The following SCIMP variants were observed in gnomAD, a reference collection of about 807,000 sequenced individuals.
SCIMP encodes the protein SLP adapter and CSK-interacting membrane protein.
In SCIMP, 18 loss-of-function variants were observed where a neutral mutation model predicts 22.0. The observed-to-expected ratio is 0.82, with a 90% confidence interval of 0.56 to 1.21. The LOEUF (loss-of-function observed/expected upper bound fraction) is 1.21. SCIMP is among the 50% of genes most tolerant of loss of function. SCIMP has a pLI of 0.00. For missense variants in SCIMP, 155 were observed against 171.2 expected (o/e 0.91, Z 0.53); for synonymous variants, 53 against 62.2 (o/e 0.85, Z 0.70).
rs961840593 is a variant in SCIMP at position 5,210,572 on chromosome 17, C to G, written c.*229G>C. 2.2e-5 allele frequency: 11 copies of G among 501,572 alleles called. No individual in the cohort carries two copies. Among genetic ancestry groups the G allele is most frequent in the African/African-American group, 5.9e-5 (3 of 50,932 alleles). The allele number at this position is 501,572 out of a possible 1,614,324, so 31.1% of individuals were successfully genotyped here. On this transcript the variant is annotated 3_prime_UTR_variant, in exon 5 of 5. Transcript: ENST00000574081. ...TTTCCTCAACAGCACAAGGCTGACCCCTCTAAGTCCTCAGAGCCGAGCACC... is the reference window on the plus strand; with the variant it reads ...TTTCCTCAACAGCACAAGGCTGACCGCTCTAAGTCCTCAGAGCCGAGCACC...
At chr17:5,223,505 G>T (rs2074623980) in intron 1 of SCIMP, 49 bp from the exon 2 acceptor site, 2 of 1,601,984 alleles carry the variant, frequency 1.2e-6, no homozygotes, top group African/African-American at 2.7e-5. Flanking sequence ...AAGATATCCT[G>T]GGGTTGGGTG....
chr17:5,215,681 T>C (rs1009191324), intron 3 of SCIMP, among the ~76,000 whole-genome samples: 6 of 152,148 alleles, frequency 3.9e-5, no homozygotes, highest in Admixed American at 3.9e-4. Flanking sequence ...TACACACACC[T>C]TGAGTCAGCA....
chr17:5,225,018 G>A (rs2074636414), intron 1 of SCIMP, among the ~76,000 whole-genome samples: 1 of 152,204 alleles, frequency 6.6e-6, no homozygotes, highest in Middle Eastern at 3.2e-3. Context: ...GAGAGGTCAA[G>A]AAGAGAGCAC....
intron 3 of SCIMP, 23 bp downstream of exon 3, chr17:5,221,264 C>A: frequency 6.3e-7 from 1 of 1,581,130 alleles, no homozygotes; most frequent in Non-Finnish European, 8.7e-7. Flanking sequence ...CAGTAAAAAG[C>A]GGAAGGATTC....
intron 4 of SCIMP, among the ~76,000 whole-genome samples, chr17:5,211,168 T>A (rs577910684): frequency 6.6e-6 from 1 of 152,278 alleles, no homozygotes; most frequent in East Asian, 1.9e-4. Context: ...ACATCTTGAC[T>A]CCCGTATCTT....
At chr17:5,234,422 C>A (rs2074728425) in intron 1 of SCIMP, among the ~76,000 whole-genome samples, 1 of 150,686 alleles carries the variant, frequency 6.6e-6, no homozygotes, top group Non-Finnish European at 1.5e-5. Context: ...ACAGTTGAGA[C>A]CTCTCACTCC....
chr17:5,218,915 C>T (rs1362424604), intron 3 of SCIMP, among the ~76,000 whole-genome samples: 3 of 152,170 alleles, frequency 2.0e-5, no homozygotes, highest in South Asian at 2.1e-4. Flanking sequence ...CACTGCACCT[C>T]GCCCCAAGTG....
At chr17:5,215,531 T>C (rs1351231456) in intron 3 of SCIMP, among the ~76,000 whole-genome samples, 2 of 152,042 alleles carry the variant, frequency 1.3e-5, no homozygotes, top group African/African-American at 2.4e-5. Flanking sequence ...GGGGAATCAC[T>C]TGAACTTCGG....
intron 1 of SCIMP, among the ~76,000 whole-genome samples, chr17:5,225,762 GA>G (rs140142974): frequency 0.015 from 1,936 of 127,020 alleles, 13 homozygotes; most frequent in Middle Eastern, 0.03. Context: ...GATTCCATCT[GA>G]AAAAAAAAAA....
chr17:5,212,168 C>G (rs1386474736), intron 4 of SCIMP, among the ~76,000 whole-genome samples: 1 of 152,214 alleles, frequency 6.6e-6, no homozygotes, highest in Non-Finnish European at 1.5e-5. Flanking sequence ...GGAACTGCCT[C>G]TCCCACAATC....
At chr17:5,224,144 T>G (rs957611112) in intron 1 of SCIMP, among the ~76,000 whole-genome samples, 6 of 152,154 alleles carry the variant, frequency 3.9e-5, no homozygotes, top group Non-Finnish European at 7.4e-5. Flanking sequence ...CAGGGTTGTT[T>G]TTTTTCTTGA....
intron 1 of SCIMP, among the ~76,000 whole-genome samples, chr17:5,231,959 G>A (rs1193784139): frequency 2.0e-5 from 3 of 152,166 alleles, no homozygotes; most frequent in Non-Finnish European, 4.4e-5. Context: ...GGGAGGCTGA[G>A]GCAGGAGAAT....
At chr17:5,216,898 T>C (rs1209607892) in intron 3 of SCIMP, among the ~76,000 whole-genome samples, 4 of 152,206 alleles carry the variant, frequency 2.6e-5, no homozygotes, top group Non-Finnish European at 5.9e-5. Context: ...TATGATACTT[T>C]GGTACAAAGT....
At position 5,221,441 on chromosome 17, in the gene SCIMP, G is replaced by C. The variant is rs991256593; in HGVS notation, c.146-91C>G. 8 of 940,660 alleles carry C rather than the reference G, an allele frequency of 8.5e-6. No individual in the cohort carries two copies. The East Asian group carries it at 1.9e-4, about 23-fold the overall frequency. 58.3% of individuals were successfully genotyped at this position (940,660 alleles called of 1,614,324 possible). A position where few individuals can be genotyped will look rare whatever the true frequency, so the allele number is the denominator to read the frequency against. ...CAGAGAAAACACACTTAGGGACACAGTTAATAAATGATAGAGCCGGACTTA... is the reference window on the plus strand; with the variant it reads ...CAGAGAAAACACACTTAGGGACACACTTAATAAATGATAGAGCCGGACTTA... On this transcript the variant is annotated intron_variant, in intron 2 of 4. Transcript: ENST00000574081.
Position 5,230,353 on chromosome 17 carries a change from A to G in SCIMP, c.21+4382T>C, listed in dbSNP as rs550534123. ...CAGCTACCGACCAGGAGAGTCCCCTATTCTCCCTGCAGAGGATCTGCAGAT... is the reference window on the plus strand; with the variant it reads ...CAGCTACCGACCAGGAGAGTCCCCTGTTCTCCCTGCAGAGGATCTGCAGAT... On this transcript the variant is annotated intron_variant, in intron 1 of 4. Coordinates refer to ENST00000574081, the MANE Select transcript of SCIMP (RefSeq NM_207103.3). 4.6e-5 allele frequency among the ~76,000 whole-genome samples: 7 copies of G among 152,306 alleles called. No individual in the cohort carries two copies. The South Asian group carries it at 1.2e-3, about 27-fold the overall frequency.
intron 1 of SCIMP, among the ~76,000 whole-genome samples, chr17:5,230,537 A>G (rs1380851746): frequency 1.3e-5 from 2 of 152,144 alleles, no homozygotes; most frequent in Non-Finnish European, 2.9e-5. Flanking sequence ...GGATGGTGCA[A>G]AGGTGGGAGT....
chr17:5,219,139 G>A (rs977092517), intron 3 of SCIMP, among the ~76,000 whole-genome samples: 9 of 151,726 alleles, frequency 5.9e-5, no homozygotes, highest in African/African-American at 1.2e-4. Context: ...CCAACATAGC[G>A]AAACCCCGTC....
In SCIMP at chr17:5,234,771, G is replaced by T. The variant is rs370678569; in HGVS notation, c.-16C>A. 6.2e-7 allele frequency: 1 copy of T among 1,608,418 alleles called. No homozygotes were observed. Among genetic ancestry groups the T allele is most frequent in the Non-Finnish European group, 8.5e-7 (1 of 1,177,706 alleles). ...AAGTATCCATATGTGAGCAGCTAAGGAGACAGCAGTGGCTGGAGTGCTGCA... is the reference window on the plus strand; with the variant it reads ...AAGTATCCATATGTGAGCAGCTAAGTAGACAGCAGTGGCTGGAGTGCTGCA... On this transcript the variant is annotated 5_prime_UTR_variant, in exon 1 of 5. Transcript: ENST00000574081.
At chr17:5,227,292 A>AATACACAC (rs1555614599) in intron 1 of SCIMP, among the ~76,000 whole-genome samples, 1 of 144,216 alleles carries the variant, frequency 6.9e-6, no homozygotes, top group Non-Finnish European at 1.5e-5. Flanking sequence ...ACACACACAC[A>AATACACAC]ACACACACAC....
Sources: allele counts gnomAD v4.1 joint callset (sites outside exome capture counted in the v4.1 genomes callset), GRCh38; gene constraint gnomAD v4.1.1; transcripts MANE v1.5; gene names NCBI Gene and HGNC (gene_info 2026-07-23, HGNC 2026-07-21).